Variants in TMT1A observed in about 807,000 individuals in gnomAD.
TMT1A encodes thiol S-methyltransferase TMT1A.
At chr12:50,929,972 T>C in the TMT1A span, 2 of 1,614,154 alleles carry the variant, frequency 1.2e-6, no homozygotes, top group Non-Finnish European at 1.7e-6. Context: ...TGGAATTACT[T>C]CTGGCAACAA....
the TMT1A span, chr12:50,925,151 A>C: frequency 6.2e-7 from 1 of 1,614,032 alleles, no homozygotes; most frequent in Non-Finnish European, 8.5e-7. Flanking sequence ...TGGTTCCCCT[A>C]CTTCTTGGTG....
the TMT1A span, chr12:50,930,325 G>T: frequency 1.8e-6 from 1 of 562,256 alleles, no homozygotes; most frequent in South Asian, 2.4e-5. Flanking sequence ...TGTTGCCCAG[G>T]CTGGAGTGCA....
At chr12:50,929,893 T>C in the TMT1A span, 1 of 1,553,826 alleles carries the variant, frequency 6.4e-7, no homozygotes, top group Non-Finnish European at 8.7e-7. Flanking sequence ...TGAAATGTTT[T>C]TTTTTTTCTT....
chr12:50,928,466 CCT>C, the TMT1A span, among the ~76,000 whole-genome samples: 1 of 152,318 alleles, frequency 6.6e-6, no homozygotes, highest in African/African-American at 2.4e-5. Flanking sequence ...AGCTGGATTC[CCT>C]GTTTGTAAAG....
chr12:50,930,200 G>A, the TMT1A span: 1 of 1,402,772 alleles, frequency 7.1e-7, no homozygotes, highest in South Asian at 1.5e-5. Context: ...TAAAGCTTCA[G>A]TTTTACATTT....
chr12:50,925,451 T>C, the TMT1A span: 1 of 1,614,162 alleles, frequency 6.2e-7, no homozygotes, highest in Non-Finnish European at 8.5e-7. Context: ...GATGGCTCTG[T>C]GGATGTGGTG....
the TMT1A span, among the ~76,000 whole-genome samples, chr12:50,926,858 C>T: frequency 5.1e-4 from 77 of 152,204 alleles, 1 homozygote; most frequent in South Asian, 5.6e-3. Context: ...TAAACCTTTC[C>T]GTAAAGTCTG....
chr12:50,929,889 GTTT>G, the TMT1A span: 305 of 1,241,016 alleles, frequency 2.5e-4, 2 homozygotes, highest in East Asian at 8.4e-3. Context: ...TCCTTGAAAT[GTTT>G]TTTTTTTTCT....
chr12:50,925,208 A>T, the TMT1A span: 1 of 1,614,118 alleles, frequency 6.2e-7, no homozygotes, highest in Non-Finnish European at 8.5e-7. Flanking sequence ...AAGAAGCGGG[A>T]GCTCTTCAGT....
At chr12:50,930,020 G>A in the TMT1A span, 3 of 1,613,950 alleles carry the variant, frequency 1.9e-6, no homozygotes, top group African/African-American at 1.3e-5. Flanking sequence ...TTTGATGGGT[G>A]CAACCTGACC....
At chr12:50,925,431 C>G in the TMT1A span, 2 of 1,614,186 alleles carry the variant, frequency 1.2e-6, no homozygotes, top group South Asian at 2.2e-5. Context: ...AGAACATGCA[C>G]CAGGTGGCTG....
chr12:50,930,255 T>A, the TMT1A span: 1 of 916,130 alleles, frequency 1.1e-6, no homozygotes, highest in African/African-American at 1.7e-5. Flanking sequence ...TGGGGGGCGG[T>A]TTTTTTGGTT....
the TMT1A span, chr12:50,925,401 C>T: frequency 3.7e-5 from 59 of 1,614,220 alleles, no homozygotes; most frequent in Non-Finnish European, 4.6e-5. Flanking sequence ...AGTTTGAGCG[C>T]TTTGTGGTAG....
chr12:50,929,887 A>C, the TMT1A span: 1 of 1,533,236 alleles, frequency 6.5e-7, no homozygotes, highest in Non-Finnish European at 8.8e-7. Flanking sequence ...AATCCTTGAA[A>C]TGTTTTTTTT....
At chr12:50,927,847 CAG>C in the TMT1A span, among the ~76,000 whole-genome samples, 1 of 151,914 alleles carries the variant, frequency 6.6e-6, no homozygotes, top group Admixed American at 6.6e-5. Context: ...TTTTTTGAAA[CAG>C]AGTCTTGCTC....
chr12:50,930,341 G>A, the TMT1A span: 2 of 516,072 alleles, frequency 3.9e-6, no homozygotes, highest in South Asian at 2.7e-5. Context: ...GTGCAATGAC[G>A]TGATCTCCGC....
At chr12:50,925,564 G>C in the TMT1A span, 1 of 1,596,796 alleles carries the variant, frequency 6.3e-7, no homozygotes, top group Non-Finnish European at 8.6e-7. Flanking sequence ...AGGAGGACTA[G>C]TTAGTAGCAG....
chr12:50,930,171 C>A, the TMT1A span: 3 of 1,527,332 alleles, frequency 2.0e-6, no homozygotes, highest in African/African-American at 4.1e-5. Context: ...CAGTTAAGAG[C>A]TGAATGGCTC....
the TMT1A span, chr12:50,930,119 G>A: frequency 2.5e-5 from 40 of 1,612,612 alleles, no homozygotes; most frequent in Middle Eastern, 1.6e-4. Flanking sequence ...GAGTTGGTGC[G>A]CCCTCATATC....
Sources: gnomAD v4.1 joint callset for allele counts (sites outside exome capture counted in the v4.1 genomes callset) on GRCh38, gnomAD v4.1.1 for gene constraint, MANE v1.5 for transcripts, NCBI Gene and HGNC (gene_info 2026-07-23, HGNC 2026-07-21) for gene names.